Variants in TNNI3K observed in about 807,000 individuals in gnomAD.
TNNI3K encodes serine/threonine-protein kinase TNNI3K.
TNNI3K carries 140 observed loss-of-function variants against 114.5 expected under a neutral mutation model. The ratio of observed to expected loss-of-function variants is 1.22; its 90% CI spans 1.07 to 1.41. The LOEUF (loss-of-function observed/expected upper bound fraction) is 1.41. Among genes scored for constraint, TNNI3K ranks in the 40% most tolerant of loss-of-function variants. The pLI is 0.00. For synonymous variants in TNNI3K, 347 were observed against 347.5 expected (o/e 1.00, Z 0.02); for missense variants, 1,125 against 1,007.6 (o/e 1.12, Z -1.58).
intron 23 of TNNI3K, among the ~76,000 whole-genome samples, chr1:74,514,925 G>A (rs557423609): frequency 6.6e-6 from 1 of 152,210 alleles, no homozygotes; most frequent in Admixed American, 6.5e-5. Context: ...CTTAATTCAA[G>A]ATGACTTGTG....
At chr1:74,238,009 G>A (rs1443481911) in intron 2 of TNNI3K, among the ~76,000 whole-genome samples, 1 of 151,892 alleles carries the variant, frequency 6.6e-6, no homozygotes, top group African/African-American at 2.4e-5. Context: ...CATAGATAGC[G>A]CTCTTCCTAC....
chr1:74,334,642 A>G (rs1428777114), intron 6 of TNNI3K, among the ~76,000 whole-genome samples: 1 of 152,198 alleles, frequency 6.6e-6, no homozygotes, highest in East Asian at 1.9e-4. Context: ...AGACTCCCAC[A>G]TGCTTCATTA....
chr1:74,501,606 C>A (rs1323372224), intron 23 of TNNI3K, among the ~76,000 whole-genome samples: 1 of 152,128 alleles, frequency 6.6e-6, no homozygotes, highest in East Asian at 1.9e-4. Flanking sequence ...CCTGCCTCAG[C>A]CTCCCGAGTA....
intron 23 of TNNI3K, among the ~76,000 whole-genome samples, chr1:74,502,777 C>T (rs895890817): frequency 6.6e-6 from 1 of 152,170 alleles, no homozygotes; most frequent in Non-Finnish European, 1.5e-5. Flanking sequence ...AATCACCTGC[C>T]TGTGCTGATA....
At chr1:74,446,717 A>G (rs1666704054) in intron 20 of TNNI3K, among the ~76,000 whole-genome samples, 1 of 144,098 alleles carries the variant, frequency 6.9e-6, no homozygotes, top group African/African-American at 2.6e-5. Flanking sequence ...TGATTTTTGT[A>G]TAAGGTGTAA....
chr1:74,334,885 A>G (rs2100422083), intron 6 of TNNI3K, among the ~76,000 whole-genome samples: 1 of 152,346 alleles, frequency 6.6e-6, no homozygotes, highest in South Asian at 2.1e-4. Flanking sequence ...TATTTATGTA[A>G]AGTGAAGACC....
intron 22 of TNNI3K, among the ~76,000 whole-genome samples, chr1:74,489,457 T>C (rs1230083886): frequency 6.6e-6 from 1 of 152,156 alleles, no homozygotes; most frequent in African/African-American, 2.4e-5. Flanking sequence ...ATTCGAGACC[T>C]TCCAACAAAT....
chr1:74,486,351 C>T (rs2100281079), intron 21 of TNNI3K, among the ~76,000 whole-genome samples: 1 of 152,066 alleles, frequency 6.6e-6, no homozygotes, highest in Non-Finnish European at 1.5e-5. Flanking sequence ...TCCAGAGTTT[C>T]TCGTTGTTTT....
chr1:74,449,348 C>T (rs1304874440), intron 20 of TNNI3K, among the ~76,000 whole-genome samples: 2 of 151,158 alleles, frequency 1.3e-5, no homozygotes, highest in Non-Finnish European at 2.9e-5. Flanking sequence ...TTTGATTCTT[C>T]TCTCTTTTTT....
rs1184202465 is a variant in TNNI3K, at chr1:74,336,023, C to T, written c.556C>T (p.Leu186Phe). The T allele has an allele frequency of 6.4e-7, 1 of 1,572,388 alleles. No homozygotes were observed. Among genetic ancestry groups the T allele is most frequent in the Admixed American group, 2.1e-5 (1 of 47,258 alleles). The part of the protein sequence containing the change: ...YYGHEQVTRL[L>F]LKFGADVNVS... ...ATAAATCCTTTAGGTAACTCGCCTT[C>T]TTTTGAAATTTGGTGCTGATGTAAA... Residue 186 changes from leucine (L) to phenylalanine (F), a missense_variant, in exon 7 of 25, where the codon CTT (leucine) becomes TTT (phenylalanine). Coordinates refer to ENST00000326637, the MANE Select transcript of TNNI3K (RefSeq NM_015978.3).
intron 5 of TNNI3K, among the ~76,000 whole-genome samples, chr1:74,308,263 A>C (rs1658773475): frequency 2.0e-5 from 3 of 152,136 alleles, no homozygotes; most frequent in Admixed American, 2.0e-4. Context: ...AGGCTTAGTC[A>C]TAAAGCAAGT....
chr1:74,380,137 T>A (rs1663124122), intron 17 of TNNI3K, among the ~76,000 whole-genome samples: 1 of 152,128 alleles, frequency 6.6e-6, no homozygotes, highest in Non-Finnish European at 1.5e-5. Flanking sequence ...CTTTGCCTCA[T>A]TCAGCCCAGA....
intron 5 of TNNI3K, among the ~76,000 whole-genome samples, chr1:74,299,647 G>A (rs1051466729): frequency 6.6e-6 from 1 of 152,062 alleles, no homozygotes; most frequent in East Asian, 1.9e-4. Flanking sequence ...AGGAAACTAA[G>A]TCACCCTATT....
intron 5 of TNNI3K, among the ~76,000 whole-genome samples, chr1:74,305,276 T>C (rs1658553561): frequency 6.6e-6 from 1 of 152,184 alleles, no homozygotes; most frequent in African/African-American, 2.4e-5. Context: ...GACCGCACTG[T>C]AGAAGCCTAC....
intron 5 of TNNI3K, among the ~76,000 whole-genome samples, chr1:74,302,432 A>G (rs2100325813): frequency 6.6e-6 from 1 of 152,368 alleles, no homozygotes; most frequent in Admixed American, 6.5e-5. Flanking sequence ...AGCTAGAATA[A>G]TTAAGGTCAG....
intron 5 of TNNI3K, among the ~76,000 whole-genome samples, chr1:74,277,817 C>T (rs1208364704): frequency 1.3e-5 from 2 of 152,112 alleles, no homozygotes; most frequent in Admixed American, 6.6e-5. Flanking sequence ...TTCATATACA[C>T]CTTGTGAAGG....
intron 6 of TNNI3K, among the ~76,000 whole-genome samples, chr1:74,334,306 ATG>A (rs1557503178): frequency 6.6e-6 from 1 of 152,128 alleles, no homozygotes; most frequent in Non-Finnish European, 1.5e-5. Flanking sequence ...TTTCTCTCAA[ATG>A]TCTACCACAT....
intron 20 of TNNI3K, among the ~76,000 whole-genome samples, chr1:74,446,572 T>A (rs1360101474): frequency 6.7e-6 from 1 of 149,604 alleles, no homozygotes; most frequent in Non-Finnish European, 1.5e-5. Flanking sequence ...ATTTTGGCTT[T>A]TGTTGCCATT....
rs199988336 is a variant in TNNI3K, at chr1:74,439,601, C to A, written c.1990C>A (p.Pro664Thr). 6 of 1,613,394 alleles carry A rather than the reference C, an allele frequency of 3.7e-6. No homozygotes were observed. Among genetic ancestry groups the A allele is most frequent in the South Asian group, 1.1e-5 (1 of 91,058 alleles). ...GTGGGAAATTCTCACTGGCGAAATT[C>A]CATTCGCTCATCTCAAGCCAGGTAA... ...CLWEILTGEI[P>T]FAHLKPAAAA... The change falls in exon 20 of 25, where the codon CCA (proline) becomes ACA (threonine). Residue 664 changes from proline to threonine, a missense_variant. Transcript: ENST00000326637.
Sources: allele counts gnomAD v4.1 joint callset (sites outside exome capture counted in the v4.1 genomes callset), GRCh38; gene constraint gnomAD v4.1.1; transcripts MANE v1.5; gene names NCBI Gene and HGNC (gene_info 2026-07-23, HGNC 2026-07-21).